Variants in SULT2B1 observed in about 807,000 individuals in gnomAD.
SULT2B1 encodes the protein sulfotransferase family 2B member 1, also known as sulfotransferase 2B1.
A neutral mutation model predicts 33.2 loss-of-function variants in SULT2B1; 16 were observed. The ratio of observed to expected loss-of-function variants is 0.48; its 90% CI spans 0.33 to 0.73. SULT2B1 has a LOEUF of 0.73. Among genes scored for constraint, SULT2B1 ranks in the 30% least tolerant of loss-of-function variants. The pLI is 0.02. For missense variants in SULT2B1, 500 were observed against 506.0 expected, an observed-to-expected ratio of 0.99 and a Z score of 0.11; for synonymous variants, 186 against 200.5, an observed-to-expected ratio of 0.93 and a Z score of 0.61.
intron 2 of SULT2B1, among the ~76,000 whole-genome samples, chr19:48,586,900 CAGG>C (rs1973567527): frequency 6.6e-6 from 1 of 152,088 alleles, no homozygotes; most frequent in African/African-American, 2.4e-5. Flanking sequence ...CACCTGAGGT[CAGG>C]AGTTCGAGAC....
At chr19:48,572,269 C>T (rs1973341315) in intron 1 of SULT2B1, among the ~76,000 whole-genome samples, 1 of 152,122 alleles carries the variant, frequency 6.6e-6, no homozygotes, top group African/African-American at 2.4e-5. Flanking sequence ...AATCCCAGCA[C>T]TTTGGGAGGC....
intron 1 of SULT2B1, among the ~76,000 whole-genome samples, chr19:48,559,851 C>T (rs1973152352): frequency 6.9e-6 from 1 of 145,720 alleles, no homozygotes; most frequent in South Asian, 2.1e-4. Context: ...CCAGGTGCCA[C>T]AGCTCACGCC....
At chr19:48,589,053 C>T (rs1973607139) in intron 3 of SULT2B1, among the ~76,000 whole-genome samples, 1 of 152,178 alleles carries the variant, frequency 6.6e-6, no homozygotes, top group African/African-American at 2.4e-5. Flanking sequence ...CGGGCTTAGG[C>T]TTCACCGGCG....
intron 1 of SULT2B1, among the ~76,000 whole-genome samples, chr19:48,557,997 A>T (rs888270681): frequency 3.3e-5 from 5 of 152,186 alleles, no homozygotes; most frequent in African/African-American, 1.2e-4. Context: ...GGTAGGCAGG[A>T]TGGGCTGCTG....
intron 1 of SULT2B1, among the ~76,000 whole-genome samples, chr19:48,569,553 G>C (rs1224331565): frequency 2.6e-5 from 4 of 151,444 alleles, no homozygotes; most frequent in Admixed American, 1.3e-4. Context: ...AAGAGATTGG[G>C]TTCTCACTCT....
Position 48,599,170 on chromosome 19 carries a change from G to T in SULT2B1, c.862G>T (p.Ala288Ser). 3.1e-6 allele frequency: 5 copies of T among 1,596,136 alleles called. No homozygotes were observed. The highest frequency in any genetic ancestry group is 4.3e-6 in the Non-Finnish European group (5 of 1,174,636). The change falls in exon 7 of 7, where the codon GCC (alanine) becomes TCC (serine). Residue 288 changes from alanine to serine, a missense_variant. Transcript: ENST00000201586. The surrounding 1 kb of genome is among the most constrained non-coding windows in gnomAD (Gnocchi z 4.1). Reference sequence around the variant, plus strand: ...CGACTGGAAGAACCACTTCACGGTGGCCCAGAGCGAAGCCTTCGATCGTGC... The same window carrying T: ...CGACTGGAAGAACCACTTCACGGTGTCCCAGAGCGAAGCCTTCGATCGTGC... ...CGDWKNHFTV[A>S]QSEAFDRAYR...
intron 1 of SULT2B1, among the ~76,000 whole-genome samples, chr19:48,555,589 T>TCTCTCTCTCTCTCTCTCTCTCTCTCTC (rs58997933): frequency 6.8e-6 from 1 of 146,346 alleles, no homozygotes; most frequent in African/African-American, 2.6e-5. Context: ...TCTCTCTCTC[T>TCTCTCTCTCTCTCTCTCTCTCTCTCTC]TTTGAGACAG....
intron 2 of SULT2B1, among the ~76,000 whole-genome samples, 175 bp from the exon 3 acceptor site, chr19:48,587,054 G>C (rs776974154): frequency 2.6e-5 from 4 of 152,082 alleles, no homozygotes; most frequent in Non-Finnish European, 5.9e-5. Flanking sequence ...GGAGGTTGCA[G>C]TGAGCCGAGA....
intron 3 of SULT2B1, among the ~76,000 whole-genome samples, chr19:48,590,895 G>A (rs1973634970): frequency 2.0e-5 from 3 of 152,010 alleles, no homozygotes; most frequent in South Asian, 4.1e-4. Context: ...GTGCAGTGGT[G>A]TGATCACAGC....
chr19:48,569,515 TTTTC>T (rs1442879828), intron 1 of SULT2B1, among the ~76,000 whole-genome samples: 2 of 149,508 alleles, frequency 1.3e-5, no homozygotes, highest in African/African-American at 2.4e-5. Context: ...AGCCCAGGAG[TTTTC>T]TTTCTTTTTT....
At chr19:48,569,515 T>A (rs971282912) in intron 1 of SULT2B1, among the ~76,000 whole-genome samples, 1 of 149,508 alleles carries the variant, frequency 6.7e-6, no homozygotes. Context: ...AGCCCAGGAG[T>A]TTTCTTTCTT....
At chr19:48,567,002 TA>T (rs145209420) in intron 1 of SULT2B1, among the ~76,000 whole-genome samples, 1 of 151,104 alleles carries the variant, frequency 6.6e-6, no homozygotes, top group Admixed American at 6.6e-5. Context: ...GACTCTGTTT[TA>T]AAAAAAAAGA....
chr19:48,569,373 T>TG (rs1601093274), intron 1 of SULT2B1, among the ~76,000 whole-genome samples: 4 of 15,062 alleles, frequency 2.7e-4, no homozygotes, highest in South Asian at 2.5e-3. Context: ...CATATATATA[T>TG]ATATATATAT....
At chr19:48,556,278 C>A (rs915739913) in intron 1 of SULT2B1, among the ~76,000 whole-genome samples, 1 of 152,144 alleles carries the variant, frequency 6.6e-6, no homozygotes, top group East Asian at 1.9e-4. Flanking sequence ...TTCAAATCTG[C>A]CCCGTGGCAC....
chr19:48,591,824 G>T, intron 4 of SULT2B1, 89 bp downstream of exon 4: 1 of 1,422,868 alleles, frequency 7.0e-7, no homozygotes, highest in East Asian at 2.6e-5. Context: ...GGTAAGAAAG[G>T]GAGAGAGACA....
intron 5 of SULT2B1, among the ~76,000 whole-genome samples, chr19:48,595,023 T>C (rs1033161230): frequency 1.4e-5 from 2 of 144,186 alleles, no homozygotes; most frequent in African/African-American, 2.6e-5. Flanking sequence ...CTTAGTCTCA[T>C]TGTAATCCCA....
intron 2 of SULT2B1, among the ~76,000 whole-genome samples, chr19:48,577,352 CT>C (rs1209521675): frequency 8.3e-3 from 253 of 30,556 alleles, no homozygotes; most frequent in African/African-American, 0.031. Context: ...ACTGAGCCGT[CT>C]TTTTTTTTTT....
Position 48,591,661 on chromosome 19 carries a change from A to T in SULT2B1, c.476A>T (p.Tyr159Phe). 1 of 1,613,108 alleles carries T rather than the reference A, an allele frequency of 6.2e-7. No homozygotes were observed. Among genetic ancestry groups the T allele is most frequent in the Non-Finnish European group, 8.5e-7 (1 of 1,179,686 alleles). ...GACGTTGTGGTCTCCCTCTATCATT[A>T]CTCCAAGATCGCCGGGCAGTTAAAG... ...PRDVVVSLYHYSKIAGQLKDP... is the reference protein window; with the variant it reads ...PRDVVVSLYHFSKIAGQLKDP... The change falls in exon 4 of 7, where the codon TAC (tyrosine) becomes TTC (phenylalanine). Residue 159 changes from tyrosine (Y) to phenylalanine (F), a missense_variant. By Grantham distance (22) the Tyr-to-Phe change is conservative. Transcript: ENST00000201586.
At chr19:48,559,579 C>A (rs10407019) in intron 1 of SULT2B1, among the ~76,000 whole-genome samples, 1,554 of 152,196 alleles carry the variant, frequency 0.01, 30 homozygotes, top group African/African-American at 0.034. Flanking sequence ...CCATGCTGGC[C>A]AGCTGAGTTC....
Sources: allele counts gnomAD v4.1 joint callset (sites outside exome capture counted in the v4.1 genomes callset), GRCh38; gene constraint gnomAD v4.1.1; non-coding constraint Gnocchi (gnomAD v3.1); transcripts MANE v1.5; gene names NCBI Gene and HGNC (gene_info 2026-07-23, HGNC 2026-07-21).